DHX15: variants seen among roughly 807,000 people sequenced by gnomAD.
DHX15 encodes the protein ATP-dependent RNA helicase DHX15.
In DHX15, 11 loss-of-function variants were observed where a neutral mutation model predicts 94.4. The ratio of observed to expected loss-of-function variants is 0.12; its 90% CI spans 0.07 to 0.19. The LOEUF (loss-of-function observed/expected upper bound fraction) is 0.19. DHX15 is among the 10% of genes least tolerant of loss of function. DHX15 has a pLI of 1.00. For synonymous variants in DHX15, 338 were observed against 329.9 expected, an observed-to-expected ratio of 1.02 and a Z score of -0.27; for missense variants, 304 against 988.5, an observed-to-expected ratio of 0.31 and a Z score of 9.29.
At chr4:24,531,243 C>T (rs994144754) in intron 12 of DHX15, among the ~76,000 whole-genome samples, 5 of 151,990 alleles carry the variant, frequency 3.3e-5, no homozygotes, top group African/African-American at 7.2e-5. Flanking sequence ...CACCCGCCAC[C>T]GCGCCCGGCT....
At chr4:24,546,665 T>C (rs752774345) in intron 6 of DHX15, among the ~76,000 whole-genome samples, 1 of 152,192 alleles carries the variant, frequency 6.6e-6, no homozygotes, top group Non-Finnish European at 1.5e-5. Context: ...TGCTGTAACA[T>C]GTTTAAAAGG....
intron 2 of DHX15, among the ~76,000 whole-genome samples, chr4:24,573,635 C>T (rs1722173277): frequency 6.6e-6 from 1 of 151,978 alleles, no homozygotes; most frequent in South Asian, 2.1e-4. Flanking sequence ...AAATCCTCAT[C>T]ATTCCTCTTC....
rs1191389869 is a variant in DHX15, at chr4:24,527,637, C to T, written c.*287G>A. Reference sequence around the variant, plus strand: ...GATAATCACATTTTAGAAGCATTTTCAACCATTTCTAAAGAAATGCTTATA... The same window carrying T: ...GATAATCACATTTTAGAAGCATTTTTAACCATTTCTAAAGAAATGCTTATA... On this transcript the variant is annotated 3_prime_UTR_variant, in exon 14 of 14. Coordinates refer to ENST00000336812, the MANE Select transcript of DHX15 (RefSeq NM_001358.3). The T allele has an allele frequency of 1.1e-5, 3 of 274,738 alleles. No homozygotes were observed. In the Admixed American group the frequency reaches 1.4e-4, roughly 13 times the overall value. The allele number at this position is 274,738 out of a possible 1,614,324, so 17.0% of individuals were successfully genotyped here.
chr4:24,536,983 C>CA, intron 11 of DHX15, 68 bp downstream of exon 11: 1 of 1,478,168 alleles, frequency 6.8e-7, no homozygotes, highest in Non-Finnish European at 9.0e-7. Flanking sequence ...CAAAGTGGGA[C>CA]AAAGAAACAT....
rs764541025 is a variant in DHX15 at position 24,554,938 on chromosome 4, T to G, written c.867A>C (p.Ile289=). 1.9e-6 allele frequency: 3 copies of G among 1,612,218 alleles called. No individual in the cohort carries two copies. In the East Asian group the frequency reaches 6.7e-5, roughly 36 times the overall value. ...VVRQRSDLKV[I]VMSATLDAGK... ...CTGCATCTAGAGTAGCGCTCATAACTATAACCTGAAAGAAAACAGTAAATT... is the reference window on the plus strand; with the variant it reads ...CTGCATCTAGAGTAGCGCTCATAACGATAACCTGAAAGAAAACAGTAAATT... Residue 289 remains isoleucine, a synonymous_variant, in exon 5 of 14, where the codon ATA becomes ATC. Coordinates refer to ENST00000336812, the MANE Select transcript of DHX15 (RefSeq NM_001358.3).
At chr4:24,564,767 GT>G (rs1207482507) in intron 3 of DHX15, among the ~76,000 whole-genome samples, 2 of 152,012 alleles carry the variant, frequency 1.3e-5, no homozygotes, top group Admixed American at 1.3e-4. Flanking sequence ...CAAAATACTG[GT>G]TACAATGACA....
At chr4:24,529,949 A>G (rs1721039169) in intron 12 of DHX15, 179 bp from the exon 13 acceptor site, 4 of 630,096 alleles carry the variant, frequency 6.3e-6, no homozygotes, top group Non-Finnish European at 1.1e-5. Flanking sequence ...GCCAAATCCA[A>G]CTCATAGCCT....
intron 3 of DHX15, among the ~76,000 whole-genome samples, chr4:24,557,152 A>C (rs1721756951): frequency 6.6e-6 from 1 of 152,154 alleles, no homozygotes; most frequent in Non-Finnish European, 1.5e-5. Flanking sequence ...GCGCCACGTA[A>C]GAATGAAGGC....
chr4:24,581,566 T>G (rs1401786340), intron 1 of DHX15, among the ~76,000 whole-genome samples: 2 of 152,214 alleles, frequency 1.3e-5, no homozygotes, highest in Non-Finnish European at 2.9e-5. Flanking sequence ...AAACATTTCT[T>G]ATGTTCCCTG....
At chr4:24,560,271 A>G (rs1456380694) in intron 3 of DHX15, among the ~76,000 whole-genome samples, 1 of 151,906 alleles carries the variant, frequency 6.6e-6, no homozygotes, top group Admixed American at 6.6e-5. Flanking sequence ...ATTACAAACT[A>G]AGCCTAAGAA....
intron 7 of DHX15, 101 bp downstream of exon 7, chr4:24,542,839 T>A: frequency 2.3e-6 from 2 of 867,600 alleles, no homozygotes; most frequent in Non-Finnish European, 3.6e-6. Context: ...AAAAAAAAGA[T>A]AGGAAAATAA....
chr4:24,543,107 C>T, intron 6 of DHX15, 81 bp from the exon 7 acceptor site: 1 of 909,324 alleles, frequency 1.1e-6, no homozygotes, highest in Non-Finnish European at 1.7e-6. Flanking sequence ...CACTAACTTT[C>T]ACTGACACAA....
intron 1 of DHX15, among the ~76,000 whole-genome samples, chr4:24,583,610 T>A (rs1042308754): frequency 6.6e-6 from 1 of 152,050 alleles, no homozygotes; most frequent in African/African-American, 2.4e-5. Context: ...CTTTGAAGTG[T>A]TTGAATGGAC....
chr4:24,566,198 C>A lies in DHX15; in HGVS notation c.701+4456G>T, dbSNP rs368915580. Among the ~76,000 whole-genome samples, 7 of 152,134 alleles carry A rather than the reference C, an allele frequency of 4.6e-5. No homozygotes were observed. The East Asian group carries it at 7.8e-4, about 17-fold the overall frequency. On this transcript the variant is annotated intron_variant, in intron 3 of 13. Coordinates refer to ENST00000336812, the MANE Select transcript of DHX15 (RefSeq NM_001358.3). ...GGGACTACAGGTACATACCACCACA[C>A]CTGGCTCATTTTTTTAATATATAAA...
At chr4:24,550,089 C>T (rs1467070829) in intron 5 of DHX15, among the ~76,000 whole-genome samples, 2 of 38,628 alleles carry the variant, frequency 5.2e-5, no homozygotes, top group Middle Eastern at 0.017. Context: ...AGGGAAACTC[C>T]GTCTCAAAAA....
chr4:24,529,797 A>T lies in DHX15; in HGVS notation c.2101-27T>A, dbSNP rs374161133. 8 of 1,611,200 alleles carry T rather than the reference A, an allele frequency of 5.0e-6. No homozygotes were observed. In the African/African-American group the frequency reaches 1.1e-4, roughly 22 times the overall value. The stretch of plus-strand genomic sequence containing the variant: ...TGAAACCAAAACCCAGTATATTATT[A>T]ATACAATGCTTCTGACTTGCTAGTT... On this transcript the variant is annotated intron_variant, in intron 12 of 13. Transcript: ENST00000336812.
chr4:24,551,225 G>T (rs1291816881), intron 5 of DHX15, among the ~76,000 whole-genome samples: 2 of 152,144 alleles, frequency 1.3e-5, no homozygotes. Context: ...ATTAAACCCA[G>T]AAGTATGTAA....
intron 12 of DHX15, among the ~76,000 whole-genome samples, chr4:24,531,210 T>G (rs1721077184): frequency 6.6e-6 from 1 of 151,862 alleles, no homozygotes; most frequent in Non-Finnish European, 1.5e-5. Context: ...TGCCTCAGCC[T>G]CCCGAGTAGC....
At chr4:24,580,054 G>A (rs1280232426) in intron 1 of DHX15, among the ~76,000 whole-genome samples, 2 of 152,040 alleles carry the variant, frequency 1.3e-5, no homozygotes, top group African/African-American at 4.8e-5. Context: ...ATGAGCCACC[G>A]CGCCCCACCA....
Sources: gnomAD v4.1 joint callset for allele counts (sites outside exome capture counted in the v4.1 genomes callset) on GRCh38, gnomAD v4.1.1 for gene constraint, MANE v1.5 for transcripts, NCBI Gene and HGNC (gene_info 2026-07-23, HGNC 2026-07-21) for gene names.